Variants in PKD1 observed in about 807,000 individuals in gnomAD.
PKD1 encodes the protein polycystin-1.
PKD1 carries 81 observed loss-of-function variants against 361.7 expected under a neutral mutation model. That is an observed-to-expected ratio of 0.22 (90% CI 0.19 to 0.27). The LOEUF is 0.27. PKD1 is among the 10% of genes least tolerant of loss of function. The pLI is 1.00. For synonymous variants in PKD1, 3,615 were observed against 2,818.3 expected (o/e 1.28, Z -8.95); for missense variants, 6,399 against 6,118.3 (o/e 1.05, Z -1.53).
Position 2,127,473 on chromosome 16 carries a change from C to T in PKD1, c.215+8002G>A, listed in dbSNP as rs185882874. 1.4e-3 allele frequency among the ~76,000 whole-genome samples: 210 copies of T among 152,318 alleles called. 1 individual carries two copies. Among genetic ancestry groups the T allele is most frequent in the African/African-American group, 4.8e-3 (198 of 41,564 alleles). ...GTCCATAGGAGTCCACCCGCCCAGG[C>T]TGCACTGGCTCCCGTCGTCCAGTGT... On this transcript the variant is annotated intron_variant, in intron 1 of 45. Coordinates refer to ENST00000262304, the MANE Select transcript of PKD1 (RefSeq NM_001009944.3).
chr16:2,110,362 C>G lies in PKD1; in HGVS notation c.4805G>C (p.Arg1602Pro). 1 of 1,612,594 alleles carries G rather than the reference C, an allele frequency of 6.2e-7. No individual in the cohort carries two copies. Among genetic ancestry groups the G allele is most frequent in the East Asian group, 2.2e-5 (1 of 44,874 alleles). Residue 1602 changes from arginine to proline, a missense_variant, in exon 15 of 46, where the codon CGC becomes CCC. Transcript: ENST00000262304. Reference sequence around the variant, plus strand: ...GATGATATTGAAGGTGCCCACGGAGCGGAAGGTGTAAGAGATGGTAGGACC... The same window carrying G: ...GATGATATTGAAGGTGCCCACGGAGGGGAAGGTGTAAGAGATGGTAGGACC... ...PGGPTISYTF[R>P]SVGTFNIIVT...
In PKD1 at chr16:2,110,476, C is replaced by T; in HGVS notation, c.4691G>A (p.Gly1564Glu). ...CAGCGACGTGCTGAAGCTCACGCTC[C>T]CATTCAGGGGCACCACCGTGCGGCT... ...NASRTVVPLN[G>E]SVSFSTSLEA... is the part of the protein sequence containing the mutation. Residue 1564 changes from glycine to glutamate, a missense_variant, in exon 15 of 46, where the codon GGG becomes GAG. Physicochemically the swap from Gly to Glu is moderately conservative, Grantham distance 98. Transcript: ENST00000262304. The T allele has an allele frequency of 6.2e-7, 1 of 1,612,510 alleles. No individual in the cohort carries two copies. The highest frequency in any genetic ancestry group is 8.5e-7 in the Non-Finnish European group (1 of 1,179,850).
At chr16:2,092,778 C>A in intron 38 of PKD1, 176 bp downstream of exon 38, 1 of 856,450 alleles carries the variant, frequency 1.2e-6, no homozygotes, top group South Asian at 1.4e-5. Flanking sequence ...CCGTCCTGTG[C>A]ACTGCAAGAC....
At chr16:2,125,389 G>A (rs1433204335) in intron 1 of PKD1, among the ~76,000 whole-genome samples, 1 of 152,166 alleles carries the variant, frequency 6.6e-6, no homozygotes, top group Non-Finnish European at 1.5e-5. Flanking sequence ...GGGTCTCTGG[G>A]TCCCAGACAC....
At chr16:2,122,792 G>A (rs2092742535) in intron 1 of PKD1, among the ~76,000 whole-genome samples, 1 of 152,202 alleles carries the variant, frequency 6.6e-6, no homozygotes. Flanking sequence ...AGGGGCGAGA[G>A]GTGCTGCAGA....
Position 2,104,348 on chromosome 16 carries a change from ATT to A in PKD1, c.8161+148_8161+149del. 3.0e-4 allele frequency: 135 copies of A among 451,726 alleles called. 1 individual carries two copies. Among genetic ancestry groups the A allele is most frequent in the South Asian group, 5.3e-4 (27 of 51,106 alleles). 28.0% of individuals were successfully genotyped at this position (451,726 alleles called of 1,614,324 possible). ...AAGGGGGAGGGGGAGGAGAATGGGAATTGGGGGAGGGGGATGAGGATGGGAAT... is the reference window on the plus strand; with the variant it reads ...AAGGGGGAGGGGGAGGAGAATGGGAAGGGGGAGGGGGATGAGGATGGGAAT... On this transcript the variant is annotated intron_variant, in intron 22 of 45. Coordinates refer to ENST00000262304, the MANE Select transcript of PKD1 (RefSeq NM_001009944.3).
At chr16:2,092,377 G>A (rs1349202372) in intron 39 of PKD1, 103 bp downstream of exon 39, 2 of 980,182 alleles carry the variant, frequency 2.0e-6, no homozygotes, top group East Asian at 2.6e-5. Context: ...AGAGGGCAAA[G>A]GTCACACAGC....
Position 2,110,771 on chromosome 16 carries a change from C to G in PKD1, c.4396G>C (p.Val1466Leu), listed in dbSNP as rs778244559. The change falls in exon 15 of 46, where the codon GTG becomes CTG. Residue 1466 changes from valine (V) to leucine (L), a missense_variant. Val to Leu is a conservative substitution (Grantham distance 32). Coordinates refer to ENST00000262304, the MANE Select transcript of PKD1 (RefSeq NM_001009944.3). ...TTGACCTTGATGCTGGTGACCAGCACGGGCTCCTGCACCTCCACCAGGGCT... is the reference window on the plus strand; with the variant it reads ...TTGACCTTGATGCTGGTGACCAGCAGGGGCTCCTGCACCTCCACCAGGGCT... ...DSALVEVQEP[V>L]LVTSIKVNGS... The G allele has an allele frequency of 2.8e-5, 45 of 1,610,676 alleles. No individual in the cohort carries two copies. The Admixed American group carries it at 3.7e-4, about 13-fold the overall frequency.
rs553169483 is a variant in PKD1 at position 2,097,001 on chromosome 16, C to T, written c.10499+147G>A. The stretch of plus-strand genomic sequence containing the variant: ...CCCATGAGGCTCTTTCCACAGACAA[C>T]AGAGGTTCAGAGAAGTGAAGTGGTG... On this transcript the variant is annotated intron_variant, in intron 34 of 45. Coordinates refer to ENST00000262304, the MANE Select transcript of PKD1 (RefSeq NM_001009944.3). 47 of 660,048 alleles carry T rather than the reference C, an allele frequency of 7.1e-5. No individual in the cohort carries two copies. The East Asian group carries it at 1.3e-3, about 18-fold the overall frequency. The allele number at this position is 660,048 out of a possible 1,614,324, so 40.9% of individuals were successfully genotyped here. A position where few individuals can be genotyped will look rare whatever the true frequency, so the allele number is the denominator to read the frequency against.
chr16:2,127,779 T>A (rs1319023905), intron 1 of PKD1, among the ~76,000 whole-genome samples: 1 of 151,020 alleles, frequency 6.6e-6, no homozygotes, highest in East Asian at 2.0e-4. Context: ...ACACCAGAGG[T>A]GGAGGCGCTG....
rs1310410381 is a variant in PKD1 at position 2,117,486 on chromosome 16, C to G, written c.1385+3G>C. On this transcript the variant is annotated splice_donor_region_variant and intron_variant, in intron 6 of 45. Coordinates refer to ENST00000262304, the MANE Select transcript of PKD1 (RefSeq NM_001009944.3). ...TGGCCCCTCGGGGGGTGGGGGCAGG[C>G]ACCTGGTGACCCGGGAGACCAGGAA... The G allele has an allele frequency of 4.7e-6, 7 of 1,500,522 alleles. No individual in the cohort carries two copies. The highest frequency in any genetic ancestry group is 2.4e-5 in the South Asian group (2 of 83,204). The allele number at this position is 1,500,522 out of a possible 1,614,324, so 93.0% of individuals were successfully genotyped here.
chr16:2,090,248 G>A (rs1006564905), intron 45 of PKD1, 37 bp downstream of exon 45: 3 of 1,609,132 alleles, frequency 1.9e-6, no homozygotes, highest in Admixed American at 1.7e-5. Flanking sequence ...GCAGAGCCCA[G>A]GGCGTGTCCC....
intron 34 of PKD1, chr16:2,095,096 C>CA (rs768448774): frequency 6.6e-6 from 1 of 152,056 alleles, no homozygotes; most frequent in Non-Finnish European, 1.5e-5. Context: ...CCTGTCTTTA[C>CA]AAAAAATTAA....
Position 2,104,568 on chromosome 16 carries a change from G to A in PKD1, c.8091C>T (p.Ile2697=), listed in dbSNP as rs1462025559. ...TLHKLEAMML[I]LQAETTAGTV... The stretch of plus-strand genomic sequence containing the variant: ...TGCCCGCGGTGGTCTCTGCCTGCAG[G>A]ATGAGCATCATGGCCTCCAGCTTGT... Residue 2697 remains isoleucine, a synonymous_variant, in exon 22 of 46, where the codon ATC becomes ATT. Transcript: ENST00000262304. The A allele has an allele frequency of 5.6e-6, 9 of 1,601,778 alleles. No homozygotes were observed. Among genetic ancestry groups the A allele is most frequent in the Middle Eastern group, 2.3e-4 (1 of 4,434 alleles).
rs2432401 is a variant in PKD1 at position 2,107,015 on chromosome 16, A to G, written c.7066-67T>C. The G allele has an allele frequency of 3.8e-3, 5,579 of 1,478,176 alleles. 45 individuals are homozygous for G. Among genetic ancestry groups the G allele is most frequent in the African/African-American group, 0.01 (717 of 68,660 alleles). 91.6% of individuals were successfully genotyped at this position (1,478,176 alleles called of 1,614,324 possible). On this transcript the variant is annotated intron_variant, in intron 16 of 45. Transcript: ENST00000262304. ...GCCTGCTGGAAGGACTGGGGGACCCATGGAGGATGCTGCTCCCAAACTCCA... is the reference window on the plus strand; with the variant it reads ...GCCTGCTGGAAGGACTGGGGGACCCGTGGAGGATGCTGCTCCCAAACTCCA...
chr16:2,121,225 C>T (rs1313102043), intron 1 of PKD1, among the ~76,000 whole-genome samples: 7 of 151,584 alleles, frequency 4.6e-5, no homozygotes, highest in Non-Finnish European at 1.0e-4. Context: ...ATTAGTCGGG[C>T]GTGGTGGCAA....
rs769518746 is a variant in PKD1 at position 2,105,458 on chromosome 16, T to A, written c.7880A>T (p.Asp2627Val). 4 of 1,594,414 alleles carry A rather than the reference T, an allele frequency of 2.5e-6. No homozygotes were observed. The African/African-American group carries it at 4.0e-5, about 16-fold the overall frequency. Reference sequence around the variant, plus strand: ...CTCGTGCTTGGGCTCTGCCGCCACGTCCAGGGCCCGCTCGTACTGGGGCAG... The same window carrying A: ...CTCGTGCTTGGGCTCTGCCGCCACGACCAGGGCCCGCTCGTACTGGGGCAG... The part of the protein sequence containing the change: ...TVLNEYERAL[D>V]VAAEPKHERQ... Residue 2627 changes from aspartate to valine, a missense_variant, in exon 21 of 46, where the codon GAC becomes GTC. By Grantham distance (152) the Asp-to-Val change is radical. Transcript: ENST00000262304.
intron 32 of PKD1, 40 bp from the exon 33 acceptor site, chr16:2,097,543 T>A: frequency 2.5e-6 from 4 of 1,603,064 alleles, no homozygotes; most frequent in Non-Finnish European, 3.4e-6. Context: ...AGGGGATGTG[T>A]CACACACACA....
intron 1 of PKD1, among the ~76,000 whole-genome samples, chr16:2,132,808 G>T (rs1308866151): frequency 6.7e-6 from 1 of 150,346 alleles, no homozygotes; most frequent in Non-Finnish European, 1.5e-5. Flanking sequence ...AGGGCTGGGC[G>T]TGGTGGCTCA....
Sources: gnomAD v4.1 joint callset for allele counts (sites outside exome capture counted in the v4.1 genomes callset) on GRCh38, gnomAD v4.1.1 for gene constraint, MANE v1.5 for transcripts, NCBI Gene and HGNC (gene_info 2026-07-23, HGNC 2026-07-21) for gene names.